MYO1H: variants seen among roughly 807,000 people sequenced by gnomAD.
The protein encoded by MYO1H is myosin IH.
Under a neutral mutation model 149.3 loss-of-function variants are expected in MYO1H, and 118 were observed. That is an observed-to-expected ratio of 0.79 (90% CI 0.68 to 0.92). The LOEUF is 0.92. MYO1H is among the 40% of genes least tolerant of loss of function. The pLI is 0.00. For missense variants in MYO1H, 1,212 were observed against 1,280.7 expected, an observed-to-expected ratio of 0.95 and a Z score of 0.82; for synonymous variants, 447 against 465.2, an observed-to-expected ratio of 0.96 and a Z score of 0.50.
the MYO1H span, among the ~76,000 whole-genome samples, chr12:109,329,699 A>G: frequency 1.3e-3 from 192 of 152,292 alleles, no homozygotes; most frequent in Non-Finnish European, 2.0e-3. Flanking sequence ...TATTCAACTA[A>G]TAATAATTAA....
At chr12:109,327,134 C>T in the MYO1H span, among the ~76,000 whole-genome samples, 41,523 of 93,230 alleles carry the variant, frequency 0.45, 10,984 homozygotes, top group African/African-American at 0.53. Flanking sequence ...TTTTCTTTTT[C>T]TTTTTTTTTT....
chr12:109,447,727 C>T (rs1872544843), exon 32 of MYO1H: 1 of 163,148 alleles, frequency 6.1e-6, no homozygotes, highest in Non-Finnish European at 1.4e-5. Flanking sequence ...TATGCGGTCC[C>T]AGTCTGAGTG....
Position 109,426,279 on chromosome 12 carries a change from T to C in MYO1H, c.1831+228T>C, listed in dbSNP as rs181752848. 8.5e-5 allele frequency among the ~76,000 whole-genome samples: 13 copies of C among 152,236 alleles called. No individual in the cohort carries two copies. The East Asian group carries it at 2.5e-3, about 29-fold the overall frequency. ...CAGGCGGATCACTTGAACCCAGGAATTGGAAACCAGTTTGGGCAACATGGC... is the reference window on the plus strand; with the variant it reads ...CAGGCGGATCACTTGAACCCAGGAACTGGAAACCAGTTTGGGCAACATGGC... On this transcript the variant is annotated intron_variant, in intron 18 of 31. Transcript: ENST00000310903.
chr12:109,345,986 TG>T (rs1485621428), upstream of MYO1H, among the ~76,000 whole-genome samples: 1 of 152,190 alleles, frequency 6.6e-6, no homozygotes. Context: ...GGATTTCTTT[TG>T]GGGGTCATGA....
At position 109,395,476 on chromosome 12, in the gene MYO1H, C is replaced by G. The variant is rs542211519; in HGVS notation, c.291-908C>G. 5.9e-5 allele frequency among the ~76,000 whole-genome samples: 9 copies of G among 152,194 alleles called. No individual in the cohort carries two copies. In the South Asian group the frequency reaches 1.9e-3, roughly 32 times the overall value. On this transcript the variant is annotated intron_variant, in intron 3 of 31. Transcript: ENST00000310903. ...TCAGGCCAGGCGCGGTGGCTCACAC[C>G]TGTAATCCCAGCACTTTGGGAGGCT...
chr12:109,362,430 C>T (rs1460092136), intron 1 of MYO1H, among the ~76,000 whole-genome samples: 3 of 152,110 alleles, frequency 2.0e-5, no homozygotes, highest in Admixed American at 1.3e-4. Flanking sequence ...TCTTTTTTAA[C>T]TTTGCAGGTT....
At chr12:109,386,995 CGTGTGTGTGTGTGTGTGTGTGTGT>C (rs55675476) in intron 1 of MYO1H, among the ~76,000 whole-genome samples, 7 of 141,192 alleles carry the variant, frequency 5.0e-5, no homozygotes, top group African/African-American at 1.9e-4. Context: ...ATCTCAAGTT[CGTGTGTGTGTGTGTGTGTGTGTGT>C]GTGTGTGTGT....
At chr12:109,365,143 G>A (rs80271705) in intron 1 of MYO1H, among the ~76,000 whole-genome samples, 85 of 152,220 alleles carry the variant, frequency 5.6e-4, no homozygotes, top group Non-Finnish European at 1.0e-3. Flanking sequence ...TGATGTGGTA[G>A]TGTGTACTTG....
the MYO1H span, among the ~76,000 whole-genome samples, chr12:109,317,915 C>T: frequency 6.6e-6 from 1 of 152,320 alleles, no homozygotes; most frequent in Admixed American, 6.5e-5. Context: ...CTGTGTCTCT[C>T]AGGCACTGGG....
chr12:109,442,795 C>CTTTTTTTTTT (rs747073389), intron 27 of MYO1H, among the ~76,000 whole-genome samples: 6 of 94,016 alleles, frequency 6.4e-5, no homozygotes, highest in Non-Finnish European at 8.6e-5. Context: ...AGTGTCTGCT[C>CTTTTTTTTTT]TTTTTTTTTT....
At chr12:109,335,310 G>A in the MYO1H span, among the ~76,000 whole-genome samples, 3 of 152,120 alleles carry the variant, frequency 2.0e-5, no homozygotes, top group Non-Finnish European at 4.4e-5. Flanking sequence ...AGAGCAGGGA[G>A]CAGGTGTGGG....
At chr12:109,379,644 C>T (rs1230658306) in intron 1 of MYO1H, among the ~76,000 whole-genome samples, 1 of 149,484 alleles carries the variant, frequency 6.7e-6, no homozygotes, top group Non-Finnish European at 1.5e-5. Flanking sequence ...ATATAGTTTG[C>T]AAACATTAGC....
chr12:109,355,515 T>A (rs930379341), intron 1 of MYO1H, among the ~76,000 whole-genome samples: 1 of 152,120 alleles, frequency 6.6e-6, no homozygotes, highest in Non-Finnish European at 1.5e-5. Flanking sequence ...TATACCCTTA[T>A]AGAAATTATC....
the MYO1H span, among the ~76,000 whole-genome samples, chr12:109,317,248 G>C: frequency 4.5e-4 from 68 of 152,318 alleles, 1 homozygote; most frequent in African/African-American, 1.6e-3. Flanking sequence ...CTTGAATGCA[G>C]ATCACTTTAC....
Position 109,407,913 on chromosome 12 carries a change from G to A in MYO1H, c.1155G>A (p.Lys385=), listed in dbSNP as rs746781045. Residue 385 remains lysine (K), a splice_region_variant and synonymous_variant, in exon 10 of 32, where the codon AAG becomes AAA. Transcript: ENST00000310903. ...AAATCAATTCCTCCTTAGTTAACAA[G>A]GTTGGTCAACGCATTTTGGATCCCT... The A allele has an allele frequency of 1.8e-5, 29 of 1,613,806 alleles. No homozygotes were observed. In the East Asian group the frequency reaches 5.8e-4, roughly 32 times the overall value.
exon 8 of MYO1H, chr12:109,405,940 G>A: frequency 6.2e-7 from 1 of 1,611,608 alleles, no homozygotes; most frequent in South Asian, 1.1e-5. Context: ...TGGAATTATT[G>A]CCAGTGTCTT....
At chr12:109,411,853 G>A (rs1371056186) in intron 13 of MYO1H, 41 bp from the exon 14 acceptor site, 2 of 1,412,862 alleles carry the variant, frequency 1.4e-6, no homozygotes, top group East Asian at 2.4e-5. Context: ...CATTGATGGA[G>A]TGTGGTGCTG....
the MYO1H span, among the ~76,000 whole-genome samples, chr12:109,326,374 A>T: frequency 7.4e-4 from 113 of 152,122 alleles, no homozygotes; most frequent in Non-Finnish European, 1.4e-3. Flanking sequence ...ATTCCTCCAC[A>T]TGGGGGATGA....
chr12:109,435,023 C>G lies in MYO1H; in HGVS notation c.2064-14C>G. On this transcript the variant is annotated splice_polypyrimidine_tract_variant and intron_variant, in intron 20 of 31. Transcript: ENST00000310903. ...TGACCAATTAATAACAAAAACATTT[C>G]TTTTCACTTCTAGAACCAAAATATT... The G allele has an allele frequency of 1.9e-6, 3 of 1,583,998 alleles. No individual in the cohort carries two copies. Among genetic ancestry groups the G allele is most frequent in the Non-Finnish European group, 2.6e-6 (3 of 1,161,804 alleles).
Sources: allele counts gnomAD v4.1 joint callset (sites outside exome capture counted in the v4.1 genomes callset), GRCh38; gene constraint gnomAD v4.1.1; transcripts MANE v1.5; gene names NCBI Gene and HGNC (gene_info 2026-07-23, HGNC 2026-07-21).